The following DPP6 variants were observed in gnomAD, a reference collection of about 807,000 sequenced individuals.
The protein encoded by DPP6 is dipeptidyl peptidase like 6.
A neutral mutation model predicts 122.6 loss-of-function variants in DPP6; 69 were observed. The observed-to-expected ratio is 0.56, with a 90% confidence interval of 0.46 to 0.69. The LOEUF is 0.69. Among genes scored for constraint, DPP6 ranks in the 30% least tolerant of loss-of-function variants. DPP6 has a pLI of 0.00. For synonymous variants in DPP6, 418 were observed against 433.1 expected (o/e 0.97, Z 0.43); for missense variants, 928 against 1,116.9 (o/e 0.83, Z 2.41).
chr7:153,757,655 C>T, the DPP6 span, among the ~76,000 whole-genome samples: 1 of 152,302 alleles, frequency 6.6e-6, no homozygotes, highest in East Asian at 1.9e-4. Flanking sequence ...TCACAATATT[C>T]CAAGCCTAGA....
At chr7:154,151,787 C>T (rs1796437659) in intron 1 of DPP6, among the ~76,000 whole-genome samples, 1 of 151,962 alleles carries the variant, frequency 6.6e-6, no homozygotes, top group Admixed American at 6.6e-5. Context: ...ACATCATGCT[C>T]CCCAATAATC....
intron 1 of DPP6, among the ~76,000 whole-genome samples, chr7:153,912,183 C>T (rs540986055): frequency 2.6e-5 from 4 of 152,102 alleles, no homozygotes; most frequent in Non-Finnish European, 4.4e-5. Flanking sequence ...TAATTTTTGC[C>T]ACTGAAGAAG....
At chr7:154,767,870 C>G (rs917313328) in intron 8 of DPP6, among the ~76,000 whole-genome samples, 2 of 152,208 alleles carry the variant, frequency 1.3e-5, no homozygotes, top group Non-Finnish European at 2.9e-5. Flanking sequence ...GCAGCAGACT[C>G]GGCATTGCCT....
intron 1 of DPP6, among the ~76,000 whole-genome samples, chr7:154,313,715 A>ATATATG (rs1563460487): frequency 8.4e-5 from 3 of 35,810 alleles, no homozygotes; most frequent in East Asian, 1.2e-3. Context: ...ATATATATAT[A>ATATATG]CACACACACG....
chr7:153,916,414 C>T (rs1415978366), intron 1 of DPP6, among the ~76,000 whole-genome samples: 1 of 136,034 alleles, frequency 7.4e-6, no homozygotes, highest in Non-Finnish European at 1.6e-5. Flanking sequence ...CTCCTCTCTC[C>T]TCCCCTCCCC....
rs143141426 is a variant in DPP6, at chr7:154,328,465, A to T, written c.244-117749A>T. On this transcript the variant is annotated intron_variant, in intron 1 of 25. Coordinates refer to ENST00000377770, the MANE Select transcript of DPP6 (RefSeq NM_130797.4). ...ATGGATGATGTTCATGTAAAGTGAGATAGAATGAGGGGACAGACAGGGATA... is the reference window on the plus strand; with the variant it reads ...ATGGATGATGTTCATGTAAAGTGAGTTAGAATGAGGGGACAGACAGGGATA... Among the ~76,000 whole-genome samples, 175 of 152,296 alleles carry T rather than the reference A, an allele frequency of 1.1e-3. 3 individuals are homozygous for T. Among genetic ancestry groups the T allele is most frequent in the African/African-American group, 3.8e-3 (159 of 41,566 alleles).
At chr7:154,031,718 A>G (rs1350859651) in intron 1 of DPP6, among the ~76,000 whole-genome samples, 13 of 152,056 alleles carry the variant, frequency 8.5e-5, no homozygotes, top group Admixed American at 8.5e-4. Context: ...TTTAGAGTGC[A>G]GTTTAACTCA....
the DPP6 span, among the ~76,000 whole-genome samples, chr7:153,878,629 G>A: frequency 6.6e-6 from 1 of 152,122 alleles, no homozygotes; most frequent in Non-Finnish European, 1.5e-5. Context: ...ATTGTAACTA[G>A]AAGAATGCAC....
chr7:153,935,192 G>A (rs1409421221), intron 1 of DPP6, among the ~76,000 whole-genome samples: 5 of 152,088 alleles, frequency 3.3e-5, no homozygotes, highest in Non-Finnish European at 7.4e-5. Context: ...AGACAGTGAA[G>A]GGGAGCTGCA....
chr7:154,612,043 T>C (rs978079647), intron 5 of DPP6, among the ~76,000 whole-genome samples: 8 of 152,208 alleles, frequency 5.3e-5, no homozygotes, highest in Non-Finnish European at 7.3e-5. Context: ...GTTTAGGCCA[T>C]GGATTGATAC....
At chr7:154,640,614 G>A (rs112191636) in intron 6 of DPP6, among the ~76,000 whole-genome samples, 2,946 of 152,246 alleles carry the variant, frequency 0.019, 63 homozygotes, top group Middle Eastern at 0.054. Flanking sequence ...CGGTATCTCC[G>A]TAGGCCTGGA....
intron 1 of DPP6, among the ~76,000 whole-genome samples, chr7:154,083,623 T>G (rs1282200699): frequency 1.3e-5 from 2 of 149,892 alleles, no homozygotes; most frequent in Non-Finnish European, 1.5e-5. Context: ...TGGGGACAGC[T>G]CTAGGGACTT....
chr7:153,969,319 C>G (rs914160979), intron 1 of DPP6, among the ~76,000 whole-genome samples: 1 of 145,242 alleles, frequency 6.9e-6, no homozygotes, highest in Non-Finnish European at 1.5e-5. Context: ...TCTTGTAAGC[C>G]TTTGGTTATT....
chr7:154,783,065 C>G (rs1468559361), intron 10 of DPP6, among the ~76,000 whole-genome samples: 1 of 152,112 alleles, frequency 6.6e-6, no homozygotes, highest in Non-Finnish European at 1.5e-5. Flanking sequence ...ACATGCGGTT[C>G]CTAACACCTT....
chr7:153,759,592 G>A, the DPP6 span, among the ~76,000 whole-genome samples: 16 of 151,954 alleles, frequency 1.1e-4, no homozygotes, highest in Admixed American at 9.8e-4. Context: ...CTTGGCCTCC[G>A]AAGTGCTGGG....
At position 154,473,311 on chromosome 7, in the gene DPP6, G is replaced by A. The variant is rs560277102; in HGVS notation, c.359-1628G>A. ...CCTGAGGCTGCTTCAGCCACACCTA[G>A]AAAGCTCCTAGAGCGAAGAAAGAAC... On this transcript the variant is annotated intron_variant, in intron 2 of 25. Transcript: ENST00000377770. Among the ~76,000 whole-genome samples, 11 of 152,300 alleles carry A rather than the reference G, an allele frequency of 7.2e-5. No homozygotes were observed. The South Asian group carries it at 1.9e-3, about 26-fold the overall frequency.
At chr7:153,857,868 T>A in the DPP6 span, among the ~76,000 whole-genome samples, 1 of 152,212 alleles carries the variant, frequency 6.6e-6, no homozygotes, top group Non-Finnish European at 1.5e-5. Flanking sequence ...TTGGATATGA[T>A]CAGGGTTAGG....
intron 1 of DPP6, among the ~76,000 whole-genome samples, chr7:154,302,313 G>A (rs891363703): frequency 1.3e-5 from 2 of 152,134 alleles, no homozygotes; most frequent in African/African-American, 4.8e-5. Context: ...ATTTCTCTTG[G>A]CATCTTTCCT....
chr7:154,697,747 C>A (rs1014740809), intron 7 of DPP6, among the ~76,000 whole-genome samples: 4 of 152,170 alleles, frequency 2.6e-5, no homozygotes, highest in Non-Finnish European at 5.9e-5. Context: ...CGTAAAAATG[C>A]CACTTCTTCT....
Sources: allele counts gnomAD v4.1 joint callset (sites outside exome capture counted in the v4.1 genomes callset), GRCh38; gene constraint gnomAD v4.1.1; transcripts MANE v1.5; gene names NCBI Gene and HGNC (gene_info 2026-07-23, HGNC 2026-07-21).